Variants in PDGFD observed in about 807,000 individuals in gnomAD.
PDGFD encodes the protein platelet-derived growth factor D.
PDGFD carries 30 observed loss-of-function variants against 44.7 expected under a neutral mutation model. That is an observed-to-expected ratio of 0.67 (90% CI 0.50 to 0.91). The LOEUF is 0.91. PDGFD is among the 40% of genes least tolerant of loss of function. The probability of loss-of-function intolerance (pLI) is 0.00; values close to 1 mark genes in which losing one functional copy is unlikely to be tolerated. For missense variants in PDGFD, 445 were observed against 457.8 expected (o/e 0.97, Z 0.25); for synonymous variants, 173 against 168.4 (o/e 1.03, Z -0.21).
chr11:103,928,699 G>T (rs1197778806), intron 5 of PDGFD, among the ~76,000 whole-genome samples: 1 of 152,092 alleles, frequency 6.6e-6, no homozygotes, highest in Non-Finnish European at 1.5e-5. Flanking sequence ...ATTTATTGCT[G>T]TTTTTTTCTT....
In PDGFD at chr11:103,950,285, A is replaced by G. The variant is rs1858731284; in HGVS notation, c.511-2561T>C. ...GGAAACTGGCCAGGAGTGGTGGCTC[A>G]CGCTTGTAATCCCAGCACTTTGGGA... On this transcript the variant is annotated intron_variant, in intron 3 of 6. Transcript: ENST00000393158. Among the ~76,000 whole-genome samples, 4 of 151,832 alleles carry G rather than the reference A, an allele frequency of 2.6e-5. No individual in the cohort carries two copies. The South Asian group carries it at 8.3e-4, about 32-fold the overall frequency.
intron 1 of PDGFD, chr11:104,038,053 G>A (rs1207627589): frequency 3.2e-6 from 5 of 1,553,272 alleles, no homozygotes; most frequent in Admixed American, 1.9e-5. Context: ...GGGAGCCTCA[G>A]GTCCCCGGCA....
intron 1 of PDGFD, among the ~76,000 whole-genome samples, chr11:104,135,519 G>T (rs1861991453): frequency 6.6e-6 from 1 of 152,160 alleles, no homozygotes; most frequent in African/African-American, 2.4e-5. Flanking sequence ...TAAGTTTGTG[G>T]AAAGACTGGG....
At chr11:104,026,423 T>A (rs1023125172) in intron 1 of PDGFD, among the ~76,000 whole-genome samples, 1 of 152,228 alleles carries the variant, frequency 6.6e-6, no homozygotes, top group Admixed American at 6.5e-5. Context: ...ATCCATTTTA[T>A]ATCTTATGTT....
rs765333006 is a variant in PDGFD, at chr11:103,909,759, C to G, written c.1048G>C (p.Val350Leu). Reference protein sequence around the residue: ...RRGRAKTMALVDIQLDHHERC... With the variant: ...RRGRAKTMALLDIQLDHHERC... ...TCATGGTGATCCAACTGGATGTCAA[C>G]TAGAGCCATGGTCTTAGCTCTACCC... The change falls in exon 7 of 7, where the codon GTT (valine) becomes CTT (leucine). Residue 350 changes from valine (V) to leucine (L), a missense_variant. Val to Leu is a conservative substitution (Grantham distance 32). Coordinates refer to ENST00000393158, the MANE Select transcript of PDGFD (RefSeq NM_025208.5). The G allele has an allele frequency of 6.2e-7, 1 of 1,613,888 alleles. No homozygotes were observed. The highest frequency in any genetic ancestry group is 1.1e-5 in the South Asian group (1 of 91,082).
rs563228604 is a variant in PDGFD, at chr11:104,008,387, C to T, written c.125-8132G>A. 1.3e-3 allele frequency among the ~76,000 whole-genome samples: 205 copies of T among 152,032 alleles called. 2 individuals are homozygous for T. Among genetic ancestry groups the T allele is most frequent in the African/African-American group, 4.6e-3 (192 of 41,492 alleles). ...TATATGTAACATTTTATTATATTAGCATTAGATATAATAGATATTATATAT... is the reference window on the plus strand; with the variant it reads ...TATATGTAACATTTTATTATATTAGTATTAGATATAATAGATATTATATAT... On this transcript the variant is annotated intron_variant, in intron 1 of 6. Coordinates refer to ENST00000393158, the MANE Select transcript of PDGFD (RefSeq NM_025208.5).
chr11:104,040,431 G>C (rs914573683), intron 1 of PDGFD, among the ~76,000 whole-genome samples: 1 of 151,982 alleles, frequency 6.6e-6, no homozygotes, highest in Non-Finnish European at 1.5e-5. Flanking sequence ...CTTTCAAATT[G>C]AAAAGTGTTT....
At chr11:104,036,960 G>T (rs1860250185) in intron 1 of PDGFD, 1 of 1,614,112 alleles carries the variant, frequency 6.2e-7, no homozygotes, top group Non-Finnish European at 8.5e-7. Context: ...AAGAGATCCA[G>T]ATCATCCACA....
chr11:104,109,009 C>G (rs956285279), intron 1 of PDGFD, among the ~76,000 whole-genome samples: 1 of 136,858 alleles, frequency 7.3e-6, no homozygotes. Context: ...AATGAGAACA[C>G]GTGGACACAG....
chr11:103,922,843 G>A (rs1350766963), intron 6 of PDGFD, among the ~76,000 whole-genome samples: 1 of 151,966 alleles, frequency 6.6e-6, no homozygotes, highest in African/African-American at 2.4e-5. Flanking sequence ...GCCTCTCAAA[G>A]TGCTGAGATT....
chr11:103,987,612 G>A (rs943641619), intron 3 of PDGFD, among the ~76,000 whole-genome samples: 1 of 152,164 alleles, frequency 6.6e-6, no homozygotes, highest in Admixed American at 6.5e-5. Flanking sequence ...AGTTTTACTA[G>A]AAAGACTTAA....
intron 3 of PDGFD, among the ~76,000 whole-genome samples, chr11:103,969,885 A>G (rs1859078324): frequency 6.6e-6 from 1 of 152,112 alleles, no homozygotes; most frequent in East Asian, 1.9e-4. Flanking sequence ...ACAAAAGGTC[A>G]TCTTAGAAGA....
chr11:103,930,948 A>G (rs545646016), intron 5 of PDGFD, among the ~76,000 whole-genome samples: 1 of 152,248 alleles, frequency 6.6e-6, no homozygotes, highest in African/African-American at 2.4e-5. Flanking sequence ...GACTTTGGCC[A>G]ATGCACACTC....
At chr11:103,927,846 G>C (rs1858342527) in intron 5 of PDGFD, among the ~76,000 whole-genome samples, 1 of 152,178 alleles carries the variant, frequency 6.6e-6, no homozygotes, top group African/African-American at 2.4e-5. Context: ...CTGAACTTCT[G>C]CTTCCTCATC....
At chr11:104,144,317 G>T (rs564331127) in intron 1 of PDGFD, among the ~76,000 whole-genome samples, 9 of 151,950 alleles carry the variant, frequency 5.9e-5, no homozygotes, top group Non-Finnish European at 1.2e-4. Flanking sequence ...GACTAGCTTG[G>T]TCAACATGGT....
At chr11:104,133,499 C>A (rs1042456764) in intron 1 of PDGFD, among the ~76,000 whole-genome samples, 11 of 152,098 alleles carry the variant, frequency 7.2e-5, no homozygotes, top group Non-Finnish European at 7.4e-5. Context: ...GCCATATTTA[C>A]ACACTTGGAG....
intron 1 of PDGFD, among the ~76,000 whole-genome samples, chr11:104,061,765 G>A (rs1860721156): frequency 1.3e-5 from 2 of 152,110 alleles, no homozygotes; most frequent in South Asian, 4.1e-4. Flanking sequence ...ATGCCACCAT[G>A]CCTGACTAAT....
Position 104,037,181 on chromosome 11 carries a change from C to T in PDGFD, c.125-36926G>A, listed in dbSNP as rs367724539. On this transcript the variant is annotated intron_variant, in intron 1 of 6. Coordinates refer to ENST00000393158, the MANE Select transcript of PDGFD (RefSeq NM_025208.5). ...CCTGGACAGCAGCAGCAGCGCACAC[C>T]CGCTGCCCAGCGGTCACAGGGCTTG... 2 of 1,613,524 alleles carry T rather than the reference C, an allele frequency of 1.2e-6. No individual in the cohort carries two copies. The highest frequency in any genetic ancestry group is 1.7e-6 in the Non-Finnish European group (2 of 1,179,990).
chr11:104,083,785 G>A (rs1453281639), intron 1 of PDGFD, among the ~76,000 whole-genome samples: 1 of 152,152 alleles, frequency 6.6e-6, no homozygotes, highest in African/African-American at 2.4e-5. Context: ...TTTCCACACT[G>A]GCAAGTCGGT....
Sources: gnomAD v4.1 joint callset for allele counts (sites outside exome capture counted in the v4.1 genomes callset) on GRCh38, gnomAD v4.1.1 for gene constraint, MANE v1.5 for transcripts, NCBI Gene and HGNC (gene_info 2026-07-23, HGNC 2026-07-21) for gene names.